SEC14L1: variants seen among roughly 807,000 people sequenced by gnomAD.
The protein encoded by SEC14L1 is SEC14-like protein 1.
A neutral mutation model predicts 85.3 loss-of-function variants in SEC14L1; 48 were observed. The observed-to-expected ratio is 0.56, with a 90% CI of 0.45 to 0.72. The LOEUF (loss-of-function observed/expected upper bound fraction) is 0.72, where lower values mean the gene tolerates loss of function less well. Ranked by LOEUF, SEC14L1 falls within the 30% of genes least tolerant of loss-of-function variation. The probability of loss-of-function intolerance (pLI) is 0.00; values close to 1 mark genes in which losing one functional copy is unlikely to be tolerated. For synonymous variants in SEC14L1, 391 were observed against 355.5 expected (o/e 1.10, Z -1.12); for missense variants, 682 against 921.4 (o/e 0.74, Z 3.36).
intron 7 of SEC14L1, 119 bp from the exon 8 acceptor site, chr17:77,196,083 T>C (rs1975794546): frequency 8.6e-6 from 6 of 701,510 alleles, no homozygotes; most frequent in Non-Finnish European, 1.5e-5. Flanking sequence ...CTGCCATCTC[T>C]GCGGTTTCAT....
At chr17:77,126,640 CA>C (rs1434790835) in intron 3 of SEC14L1, among the ~76,000 whole-genome samples, 1 of 152,238 alleles carries the variant, frequency 6.6e-6, no homozygotes, top group African/African-American at 2.4e-5. Flanking sequence ...TGAGCCAGGT[CA>C]AGCTCTTCTC....
intron 3 of SEC14L1, among the ~76,000 whole-genome samples, chr17:77,167,146 CT>C (rs72037954): frequency 0.09 from 12,026 of 134,302 alleles, 461 homozygotes; most frequent in East Asian, 0.25. Flanking sequence ...TTTCTTTTTC[CT>C]TTTTTTTTTT....
In SEC14L1 at chr17:77,206,351, G is replaced by T. The variant is rs368040924; in HGVS notation, c.1292G>T (p.Arg431Leu). 5 of 1,614,008 alleles carry T rather than the reference G, an allele frequency of 3.1e-6. No individual in the cohort carries two copies. In the African/African-American group the frequency reaches 6.7e-5, roughly 22 times the overall value. The change falls in exon 12 of 17, where the codon CGC becomes CTC. Residue 431 changes from arginine (R) to leucine (L), a missense_variant. By Grantham distance (102) the Arg-to-Leu change is moderately radical. Coordinates refer to ENST00000436233, the MANE Select transcript of SEC14L1 (RefSeq NM_001143998.2). This position sits in a 1 kb window ranked among gnomAD's most constrained non-coding sequence, Gnocchi z 4.3. ...GCCAACTACCCTGAGACACTGGGCC[G>T]CCTTCTCATCCTGCGGGCGCCCAGG... ...VEANYPETLGRLLILRAPRVF... is the reference protein window; with the variant it reads ...VEANYPETLGLLLILRAPRVF...
At position 77,206,366 on chromosome 17, in the gene SEC14L1, G is replaced by A. The variant is rs779458960; in HGVS notation, c.1307G>A (p.Arg436Gln). The A allele has an allele frequency of 2.0e-5, 32 of 1,613,932 alleles. No individual in the cohort carries two copies. Among genetic ancestry groups the A allele is most frequent in the Middle Eastern group, 1.6e-4 (1 of 6,078 alleles). Residue 436 changes from arginine (R) to glutamine (Q), a missense_variant, in exon 12 of 17, where the codon CGG (arginine) becomes CAG (glutamine). Arg to Gln is a conservative substitution (Grantham distance 43). Transcript: ENST00000436233. This position sits in a 1 kb window ranked among gnomAD's most constrained non-coding sequence, Gnocchi z 4.3. ...ACACTGGGCCGCCTTCTCATCCTGC[G>A]GGCGCCCAGGGTATTTCCTGTGCTC... The part of the protein sequence containing the change: ...PETLGRLLIL[R>Q]APRVFPVLWT...
chr17:77,169,981 A>C (rs1241002554), intron 3 of SEC14L1, among the ~76,000 whole-genome samples: 3 of 152,132 alleles, frequency 2.0e-5, no homozygotes, highest in Non-Finnish European at 4.4e-5. Flanking sequence ...GTATCACAGA[A>C]CTACCAGTTA....
At chr17:77,181,135 G>C (rs931014532) in intron 3 of SEC14L1, 3 of 152,212 alleles carry the variant, frequency 2.0e-5, no homozygotes, top group Admixed American at 1.3e-4. Context: ...TGAGGAAACT[G>C]ATGTTCTATA....
chr17:77,172,454 G>A (rs542241483), intron 3 of SEC14L1, among the ~76,000 whole-genome samples: 2 of 152,228 alleles, frequency 1.3e-5, no homozygotes, highest in African/African-American at 4.8e-5. Flanking sequence ...TGGAAAGTGG[G>A]GGCTTAAGTT....
At position 77,206,787 on chromosome 17, in the gene SEC14L1, C is replaced by G; in HGVS notation, c.1401C>G (p.Asp467Glu). Residue 467 changes from aspartate (D) to glutamate (E), a missense_variant, in exon 13 of 17, where the codon GAC becomes GAG. By Grantham distance (45) the Asp-to-Glu change is conservative. Around this residue, in one of 3 missense-constraint regions of SEC14L1, gnomAD observed 420 missense variants for 619.5 expected, o/e 0.68. Transcript: ENST00000436233. This position sits in a 1 kb window ranked among gnomAD's most constrained non-coding sequence, Gnocchi z 4.3. Reference protein sequence around the residue: ...RRKFLIYAGNDYQGPGGLLDY... With the variant: ...RRKFLIYAGNEYQGPGGLLDY... ...AGTTCCTCATTTATGCAGGAAATGACTACCAGGGTCCTGGAGGCCTGCTGG... is the reference window on the plus strand; with the variant it reads ...AGTTCCTCATTTATGCAGGAAATGAGTACCAGGGTCCTGGAGGCCTGCTGG... 1.2e-6 allele frequency: 2 copies of G among 1,612,726 alleles called. No individual in the cohort carries two copies. Among genetic ancestry groups the G allele is most frequent in the Non-Finnish European group, 1.7e-6 (2 of 1,179,628 alleles).
chr17:77,089,316 G>C, intron 2 of SEC14L1: 1 of 498,902 alleles, frequency 2.0e-6, no homozygotes, highest in Non-Finnish European at 4.0e-6. Flanking sequence ...GACGGTCTGG[G>C]GAAAGGCTCC....
intron 3 of SEC14L1, among the ~76,000 whole-genome samples, chr17:77,132,604 C>G (rs928329409): frequency 6.6e-6 from 1 of 152,190 alleles, no homozygotes; most frequent in Non-Finnish European, 1.5e-5. Context: ...AGCACAAATG[C>G]CAGGGCGTAT....
At position 77,212,082 on chromosome 17, in the gene SEC14L1, C is replaced by T. The variant is rs781662548; in HGVS notation, c.1744C>T (p.His582Tyr). 5 of 1,614,132 alleles carry T rather than the reference C, an allele frequency of 3.1e-6. No individual in the cohort carries two copies. The highest frequency in any genetic ancestry group is 1.7e-5 in the Admixed American group (1 of 60,020). ...QPPKKDSLGA[H>Y]SITSPGGNNV... ...ACCCAAAAAGGACTCCCTGGGAGCCCACAGCATCACCTCTCCGGGTGGGAA... is the reference window on the plus strand; with the variant it reads ...ACCCAAAAAGGACTCCCTGGGAGCCTACAGCATCACCTCTCCGGGTGGGAA... Residue 582 changes from histidine (H) to tyrosine (Y), a missense_variant, in exon 15 of 17, where the codon CAC becomes TAC. Physicochemically the swap from His to Tyr is moderately conservative, Grantham distance 83. Transcript: ENST00000436233.
chr17:77,182,001 G>C (rs953049330), intron 3 of SEC14L1, among the ~76,000 whole-genome samples: 1 of 152,024 alleles, frequency 6.6e-6, no homozygotes, highest in African/African-American at 2.4e-5. Context: ...TAGAGAGACT[G>C]AGGCCGTAGT....
At chr17:77,184,997 G>C (rs1232696592) in intron 3 of SEC14L1, among the ~76,000 whole-genome samples, 1 of 152,160 alleles carries the variant, frequency 6.6e-6, no homozygotes, top group East Asian at 1.9e-4. Flanking sequence ...AGTTAGAATT[G>C]TGTATGCTGA....
chr17:77,199,671 A>G (rs1054038877), intron 8 of SEC14L1: 1 of 152,238 alleles, frequency 6.6e-6, no homozygotes, highest in African/African-American at 2.4e-5. Context: ...GATCATAGTC[A>G]TTCATAGATC....
chr17:77,176,935 T>G (rs1273424524), intron 3 of SEC14L1, among the ~76,000 whole-genome samples: 1 of 152,214 alleles, frequency 6.6e-6, no homozygotes, highest in Non-Finnish European at 1.5e-5. Context: ...CACTCTGTGT[T>G]GTACATGTCT....
chr17:77,143,489 T>TA (rs2143517331), intron 2 of SEC14L1, 78 bp from the exon 3 acceptor site: 1 of 768,980 alleles, frequency 1.3e-6, no homozygotes, highest in Non-Finnish European at 2.2e-6. Context: ...TAGAGTGTGG[T>TA]ATGATGTGTC....
At chr17:77,188,221 C>T (rs992413219) in intron 3 of SEC14L1, among the ~76,000 whole-genome samples, 1 of 152,192 alleles carries the variant, frequency 6.6e-6, no homozygotes, top group Non-Finnish European at 1.5e-5. Flanking sequence ...AGGATGCTGC[C>T]GTGCGCATAG....
At chr17:77,125,820 G>A (rs1350065436) in intron 3 of SEC14L1, among the ~76,000 whole-genome samples, 3 of 152,114 alleles carry the variant, frequency 2.0e-5, no homozygotes, top group Non-Finnish European at 2.9e-5. Context: ...CTGGTGACCT[G>A]GAAGGAAGAA....
chr17:77,174,035 G>T (rs764308576), intron 3 of SEC14L1, among the ~76,000 whole-genome samples: 21 of 151,888 alleles, frequency 1.4e-4, no homozygotes, highest in African/African-American at 2.4e-5. Flanking sequence ...CAAGTAGCTG[G>T]GACTACAGGC....
Sources: allele counts gnomAD v4.1 joint callset (sites outside exome capture counted in the v4.1 genomes callset), GRCh38; gene constraint gnomAD v4.1.1; regional missense constraint gnomAD v4.1.1; non-coding constraint Gnocchi (gnomAD v3.1); transcripts MANE v1.5; gene names NCBI Gene and HGNC (gene_info 2026-07-23, HGNC 2026-07-21).